Variants in CLTCL1 observed in about 807,000 individuals in gnomAD.
CLTCL1 encodes the protein clathrin heavy chain 2.
In CLTCL1, 159 loss-of-function variants were observed where a neutral mutation model predicts 190.0. The ratio of observed to expected loss-of-function variants is 0.84; its 90% confidence interval spans 0.74 to 0.95. The LOEUF is 0.95. CLTCL1 is among the 40% of genes least tolerant of loss of function. CLTCL1 has a pLI of 0.00. For synonymous variants in CLTCL1, 752 were observed against 769.6 expected (o/e 0.98, Z 0.38); for missense variants, 1,878 against 2,033.4 (o/e 0.92, Z 1.47).
intron 1 of CLTCL1, among the ~76,000 whole-genome samples, chr22:19,282,947 T>C (rs1236547381): frequency 2.7e-5 from 4 of 150,456 alleles, no homozygotes; most frequent in Non-Finnish European, 5.9e-5. Flanking sequence ...TCTCGGCTCA[T>C]TGCAACCTCT....
At chr22:19,209,664 T>C (rs1270275148) in intron 20 of CLTCL1, among the ~76,000 whole-genome samples, 4 of 151,900 alleles carry the variant, frequency 2.6e-5, no homozygotes, top group East Asian at 1.9e-4. Context: ...GGCTCCTGGA[T>C]TGGGGGTTTC....
At chr22:19,235,990 T>C (rs2086071249) in intron 5 of CLTCL1, 121 bp from the exon 6 acceptor site, 1 of 895,540 alleles carries the variant, frequency 1.1e-6, no homozygotes, top group South Asian at 1.7e-5. Flanking sequence ...GATAGGGTCG[T>C]GCTCTGTCAC....
rs1555929343 is a variant in CLTCL1, at chr22:19,188,036, T to C, written c.4379A>G (p.Asn1460Ser). The C allele has an allele frequency of 6.2e-7, 1 of 1,614,030 alleles. No individual in the cohort carries two copies. Among genetic ancestry groups the C allele is most frequent in the South Asian group, 1.1e-5 (1 of 91,086 alleles). The change falls in exon 28 of 33, where the codon AAC (asparagine) becomes AGC (serine). Residue 1460 changes from asparagine to serine, a missense_variant. Asn to Ser is a conservative substitution (Grantham distance 46). Transcript: ENST00000427926. ...PYLRSVQSHN[N>S]KSVNEALNHL... ...GTTGAGTGCCTCATTCACACTCTTG[T>C]TGTTGTGGCTCTGGACTGACCGCAG...
Position 19,183,529 on chromosome 22 carries a change from C to T in CLTCL1, c.4688G>A (p.Arg1563Lys), listed in dbSNP as rs2084210784. The T allele has an allele frequency of 1.2e-6, 2 of 1,613,720 alleles. No homozygotes were observed. Among genetic ancestry groups the T allele is most frequent in the Admixed American group, 1.7e-5 (1 of 59,996 alleles). The change falls in exon 30 of 33, where the codon AGG (arginine) becomes AAG (lysine). Residue 1563 changes from arginine to lysine, a missense_variant. Transcript: ENST00000427926. ...GAAGAGACAAGCTGCGAAGCACTCC[C>T]TCTTGCCTTCCTCCAGGAACCACTG... is the stretch of plus-strand genomic sequence containing the variant. ...LLQWFLEEGK[R>K]ECFAACLFTC...
At chr22:19,252,667 A>G (rs2086626845) in intron 3 of CLTCL1, among the ~76,000 whole-genome samples, 1 of 152,238 alleles carries the variant, frequency 6.6e-6, no homozygotes, top group African/African-American at 2.4e-5. Context: ...TCTATGTCCC[A>G]AGTGCAAACA....
intron 2 of CLTCL1, among the ~76,000 whole-genome samples, chr22:19,263,658 A>G (rs567704133): frequency 1.3e-5 from 2 of 152,210 alleles, no homozygotes; most frequent in Non-Finnish European, 2.9e-5. Flanking sequence ...TGACCTTGTG[A>G]TTCTCCTGCC....
At chr22:19,226,983 C>G (rs2085766480) in intron 11 of CLTCL1, among the ~76,000 whole-genome samples, 1 of 151,942 alleles carries the variant, frequency 6.6e-6, no homozygotes, top group South Asian at 2.1e-4. Context: ...AATGATCTGC[C>G]CACCTTGGCC....
chr22:19,184,995 T>C (rs1555927610), intron 29 of CLTCL1, among the ~76,000 whole-genome samples: 2 of 152,250 alleles, frequency 1.3e-5, no homozygotes, highest in African/African-American at 4.8e-5. Flanking sequence ...CTGACCGAAC[T>C]TTCATTTAAA....
chr22:19,214,406 C>T (rs1206533), intron 19 of CLTCL1, among the ~76,000 whole-genome samples: 8,963 of 152,180 alleles, frequency 0.059, 332 homozygotes, highest in Middle Eastern at 0.16. Context: ...TGTGCTCAAG[C>T]TCTCTGCTTG....
intron 27 of CLTCL1, 82 bp from the exon 28 acceptor site, chr22:19,188,173 G>A (rs567655459): frequency 5.9e-5 from 74 of 1,250,610 alleles, no homozygotes; most frequent in South Asian, 9.6e-5. Context: ...GGGCACGTGC[G>A]TGCCATCCAC....
intron 10 of CLTCL1, 113 bp from the exon 11 acceptor site, chr22:19,230,088 C>G: frequency 2.9e-6 from 1 of 341,930 alleles, no homozygotes; most frequent in Non-Finnish European, 4.2e-6. Context: ...GCAATTAGTT[C>G]CCTCCCTTGG....
chr22:19,221,936 G>A lies in CLTCL1; in HGVS notation c.2561+15C>T, dbSNP rs2085585343. 3 of 1,613,096 alleles carry A rather than the reference G, an allele frequency of 1.9e-6. No individual in the cohort carries two copies. The highest frequency in any genetic ancestry group is 1.3e-5 in the African/African-American group (1 of 74,896). ...ATCCAGGGGTAAGAGAAAACACCAA[G>A]TAAGGACACCTTACCTATTTCTTTT... On this transcript the variant is annotated intron_variant, in intron 16 of 32. Transcript: ENST00000427926.
intron 26 of CLTCL1, among the ~76,000 whole-genome samples, chr22:19,195,648 G>T (rs116038391): frequency 0.059 from 8,953 of 152,208 alleles, 323 homozygotes; most frequent in Middle Eastern, 0.16. Flanking sequence ...ATACAGAGCT[G>T]GAGAGGGGTG....
At chr22:19,239,423 G>A (rs373652350) in intron 4 of CLTCL1, 35 bp from the exon 5 acceptor site, 1,042 of 1,518,000 alleles carry the variant, frequency 6.9e-4, no homozygotes, top group Non-Finnish European at 9.0e-4. Flanking sequence ...CAAGGGGACC[G>A]CCTGTGGTGG....
intron 26 of CLTCL1, among the ~76,000 whole-genome samples, chr22:19,194,866 C>T (rs188338672): frequency 8.5e-5 from 13 of 152,304 alleles, no homozygotes; most frequent in African/African-American, 2.6e-4. Flanking sequence ...CCTGCACTGG[C>T]GAGTATCCTC....
rs782075564 is a variant in CLTCL1, at chr22:19,209,007, A to G, written c.3357T>C (p.Asp1119=). The G allele has an allele frequency of 3.1e-6, 5 of 1,611,632 alleles. No individual in the cohort carries two copies. The highest frequency in any genetic ancestry group is 4.2e-6 in the Non-Finnish European group (5 of 1,179,008). ...SQLAQAQLQK[D]LVKEAINSYI... ...AGGAGTTGATGGCTTCCTTCACCAA[A>G]TCTTTCTGGAGCTGGGCTTGGGCCA... Residue 1119 remains aspartate (D), a synonymous_variant, in exon 21 of 33, where the codon GAT becomes GAC. Transcript: ENST00000427926.
At chr22:19,188,968 A>C (rs2084404930) in intron 27 of CLTCL1, among the ~76,000 whole-genome samples, 1 of 151,024 alleles carries the variant, frequency 6.6e-6, no homozygotes, top group Non-Finnish European at 1.5e-5. Flanking sequence ...CAGTGGCGCG[A>C]TCTTGGCTCA....
chr22:19,203,822 C>T (rs553482740), intron 22 of CLTCL1, among the ~76,000 whole-genome samples: 8 of 152,276 alleles, frequency 5.3e-5, no homozygotes, highest in Non-Finnish European at 8.8e-5. Flanking sequence ...CCGACTTGTC[C>T]GAATATTAGT....
At chr22:19,215,502 G>A (rs1224657088) in intron 19 of CLTCL1, among the ~76,000 whole-genome samples, 2 of 152,130 alleles carry the variant, frequency 1.3e-5, no homozygotes, top group African/African-American at 4.8e-5. Context: ...AAAGAAGCAC[G>A]CGCTCCCACC....
Sources: gnomAD v4.1 joint callset for allele counts (sites outside exome capture counted in the v4.1 genomes callset) on GRCh38, gnomAD v4.1.1 for gene constraint, MANE v1.5 for transcripts, NCBI Gene and HGNC (gene_info 2026-07-23, HGNC 2026-07-21) for gene names.